Variants in USP12 observed in about 807,000 individuals in gnomAD.
USP12 encodes the protein ubiquitin specific peptidase 12.
A neutral mutation model predicts 45.5 loss-of-function variants in USP12; 19 were observed. The ratio of observed to expected loss-of-function variants is 0.42; its 90% CI spans 0.29 to 0.61. USP12 has a LOEUF of 0.61. Among genes scored for constraint, USP12 ranks in the 20% least tolerant of loss-of-function variants. The probability of loss-of-function intolerance (pLI) is 0.22; values close to 1 mark genes in which losing one functional copy is unlikely to be tolerated. For missense variants in USP12, 242 were observed against 447.7 expected (o/e 0.54, Z 4.15); for synonymous variants, 149 against 148.8 (o/e 1.00, Z -0.01).
chr13:27,130,026 C>T (rs1876420236), intron 1 of USP12, among the ~76,000 whole-genome samples: 1 of 152,126 alleles, frequency 6.6e-6, no homozygotes, highest in Non-Finnish European at 1.5e-5. Flanking sequence ...ATTAAACACC[C>T]AGGGCAGTAG....
At chr13:27,107,913 G>A (rs889655343) in intron 2 of USP12, among the ~76,000 whole-genome samples, 4 of 151,884 alleles carry the variant, frequency 2.6e-5, no homozygotes, top group Admixed American at 6.6e-5. Context: ...GGAGAAATAG[G>A]AACACTTTTA....
At chr13:27,149,755 A>C (rs1020144535) in intron 1 of USP12, among the ~76,000 whole-genome samples, 2 of 152,216 alleles carry the variant, frequency 1.3e-5, no homozygotes, top group African/African-American at 4.8e-5. Context: ...TTTGTGGAAG[A>C]CAATTTTTCC....
chr13:27,154,637 T>A (rs1877732120), intron 1 of USP12, among the ~76,000 whole-genome samples: 1 of 152,122 alleles, frequency 6.6e-6, no homozygotes, highest in Non-Finnish European at 1.5e-5. Flanking sequence ...AATACATTTT[T>A]TAAAGTTAAA....
chr13:27,150,446 T>C (rs1313253829), intron 1 of USP12, among the ~76,000 whole-genome samples: 2 of 151,950 alleles, frequency 1.3e-5, no homozygotes, highest in African/African-American at 2.4e-5. Flanking sequence ...TTAAAGGAAA[T>C]CTAAACACAG....
At chr13:27,073,549 C>T (rs894596253) in intron 7 of USP12, among the ~76,000 whole-genome samples, 1 of 151,974 alleles carries the variant, frequency 6.6e-6, no homozygotes, top group African/African-American at 2.4e-5. Flanking sequence ...GGGGACCCCT[C>T]CCCAATGAGT....
chr13:27,114,694 T>G (rs1327763871), intron 2 of USP12, among the ~76,000 whole-genome samples: 2 of 151,902 alleles, frequency 1.3e-5, no homozygotes, highest in South Asian at 4.1e-4. Flanking sequence ...AGGTTGTCAT[T>G]AAAGCACTAA....
intron 1 of USP12, among the ~76,000 whole-genome samples, chr13:27,133,434 C>T (rs1876605411): frequency 1.3e-5 from 2 of 152,112 alleles, no homozygotes; most frequent in South Asian, 4.1e-4. Context: ...CAATACCATC[C>T]TGGCTAACAT....
At chr13:27,103,607 A>AAAAAATAAAAT (rs372985958) in intron 3 of USP12, among the ~76,000 whole-genome samples, 1 of 128,520 alleles carries the variant, frequency 7.8e-6, no homozygotes, top group African/African-American at 2.9e-5. Flanking sequence ...TCAAAAAAAA[A>AAAAAATAAAAT]AATAATAATA....
At chr13:27,164,529 T>A in intron 1 of USP12, among the ~76,000 whole-genome samples, 2 of 152,232 alleles carry the variant, frequency 1.3e-5, no homozygotes, top group East Asian at 3.9e-4. Context: ...AAATTTCTTA[T>A]AGTTTACACT....
intron 1 of USP12, among the ~76,000 whole-genome samples, chr13:27,123,841 A>G (rs1424941761): frequency 6.6e-6 from 1 of 152,214 alleles, no homozygotes; most frequent in Non-Finnish European, 1.5e-5. Flanking sequence ...ACAGTATGAA[A>G]ATGGACTAAT....
chr13:27,127,444 A>G (rs1020820218), intron 1 of USP12, among the ~76,000 whole-genome samples: 1 of 152,208 alleles, frequency 6.6e-6, no homozygotes, highest in Non-Finnish European at 1.5e-5. Flanking sequence ...ATATTGTACA[A>G]CCAGTTATCA....
intron 6 of USP12, among the ~76,000 whole-genome samples, chr13:27,084,964 G>T (rs1264269909): frequency 6.6e-6 from 1 of 152,026 alleles, no homozygotes; most frequent in Non-Finnish European, 1.5e-5. Context: ...TGAATCTCTA[G>T]GTTGCTTTGG....
In USP12 at chr13:27,093,311, A is replaced by AG. The variant is rs1004525789; in HGVS notation, c.573+2289_573+2290insC. Among the ~76,000 whole-genome samples, 46 of 151,820 alleles carry AG rather than the reference A, an allele frequency of 3.0e-4. No individual in the cohort carries two copies. The East Asian group carries it at 7.7e-3, about 26-fold the overall frequency. On this transcript the variant is annotated intron_variant, in intron 4 of 8. Transcript: ENST00000282344. The stretch of plus-strand genomic sequence containing the variant: ...AACTAGTAGCCAAAATTATACCCGA[A>AG]AAAAAAAACCCACTTAAAATTCGAC...
chr13:27,077,979 C>G (rs1426259476), intron 6 of USP12: 2 of 151,858 alleles, frequency 1.3e-5, no homozygotes, highest in Admixed American at 6.6e-5. Flanking sequence ...AACAGGAGGA[C>G]AGAGAACATT....
At chr13:27,165,069 T>C (rs867530827) in intron 1 of USP12, among the ~76,000 whole-genome samples, 1,524 of 146,646 alleles carry the variant, frequency 0.01, 30 homozygotes, top group African/African-American at 0.036. Flanking sequence ...TTTTTTTTTT[T>C]AGTATAAAAT....
chr13:27,078,671 C>T (rs1169712663), intron 6 of USP12, among the ~76,000 whole-genome samples: 2 of 151,442 alleles, frequency 1.3e-5, no homozygotes, highest in East Asian at 3.9e-4. Flanking sequence ...AAGAATACTT[C>T]ATAATAATGA....
intron 1 of USP12, among the ~76,000 whole-genome samples, chr13:27,125,399 G>A (rs140787450): frequency 6.6e-6 from 1 of 152,180 alleles, no homozygotes; most frequent in Non-Finnish European, 1.5e-5. Flanking sequence ...TCACAACACA[G>A]GATGTACTAT....
At chr13:27,146,813 T>G (rs977338678) in intron 1 of USP12, among the ~76,000 whole-genome samples, 1 of 152,244 alleles carries the variant, frequency 6.6e-6, no homozygotes, top group Non-Finnish European at 1.5e-5. Context: ...TAATGTAACC[T>G]TATTTAGAGA....
At chr13:27,101,153 AC>A (rs1176994963) in intron 3 of USP12, among the ~76,000 whole-genome samples, 1 of 152,134 alleles carries the variant, frequency 6.6e-6, no homozygotes, top group Non-Finnish European at 1.5e-5. Flanking sequence ...TAATCTTTAA[AC>A]TTTTGTTGAA....
Sources: gnomAD v4.1 joint callset for allele counts (sites outside exome capture counted in the v4.1 genomes callset) on GRCh38, gnomAD v4.1.1 for gene constraint, MANE v1.5 for transcripts, NCBI Gene and HGNC (gene_info 2026-07-23, HGNC 2026-07-21) for gene names.